Variants in STK32B observed in about 807,000 individuals in gnomAD.
STK32B encodes serine/threonine-protein kinase 32B.
STK32B carries 43 observed loss-of-function variants against 52.6 expected under a neutral mutation model. That is an observed-to-expected ratio of 0.82 (90% CI 0.64 to 1.05). The LOEUF (loss-of-function observed/expected upper bound fraction) is 1.05. Ranked by LOEUF, STK32B falls within the 50% of genes least tolerant of loss-of-function variation. The pLI, the probability that STK32B is intolerant of heterozygous loss-of-function variation, is 0.00. For synonymous variants in STK32B, 238 were observed against 204.3 expected (o/e 1.17, Z -1.41); for missense variants, 621 against 534.6 (o/e 1.16, Z -1.59).
intron 4 of STK32B, among the ~76,000 whole-genome samples, chr4:5,360,098 C>T (rs560348757): frequency 3.3e-5 from 5 of 152,262 alleles, no homozygotes; most frequent in African/African-American, 1.2e-4. Flanking sequence ...TGCTGGAGAT[C>T]AGAGGAATAT....
chr4:5,090,791 T>C (rs905336102), intron 1 of STK32B, among the ~76,000 whole-genome samples: 2 of 152,220 alleles, frequency 1.3e-5, no homozygotes, highest in Non-Finnish European at 2.9e-5. Flanking sequence ...CCATTGCTTG[T>C]TTTTGTCCAG....
intron 3 of STK32B, among the ~76,000 whole-genome samples, chr4:5,272,625 G>A (rs369853651): frequency 6.6e-6 from 1 of 152,088 alleles, no homozygotes; most frequent in African/African-American, 2.4e-5. Flanking sequence ...ACAGCATGGT[G>A]CTGGTACCAA....
chr4:5,030,080 C>T, the STK32B span, among the ~76,000 whole-genome samples: 1 of 152,208 alleles, frequency 6.6e-6, no homozygotes, highest in Admixed American at 6.5e-5. Context: ...GTCTTCCCAG[C>T]CATGCTGAAC....
intron 11 of STK32B, among the ~76,000 whole-genome samples, chr4:5,489,642 G>T (rs530182162): frequency 6.7e-6 from 1 of 150,356 alleles, no homozygotes; most frequent in South Asian, 2.1e-4. Flanking sequence ...TTTTTTTTGA[G>T]ATGGAGTCTT....
Position 5,395,176 on chromosome 4 carries a change from G to A in STK32B, c.435-3031G>A, listed in dbSNP as rs889668801. 6.6e-6 allele frequency among the ~76,000 whole-genome samples: 1 copy of A among 152,158 alleles called. No homozygotes were observed. Among genetic ancestry groups the A allele is most frequent in the Non-Finnish European group, 1.5e-5 (1 of 68,028 alleles). On this transcript the variant is annotated intron_variant, in intron 4 of 11. Coordinates refer to ENST00000282908, the MANE Select transcript of STK32B (RefSeq NM_018401.3). The surrounding 1 kb of genome is among the most constrained non-coding windows in gnomAD (Gnocchi z 4.4). Reference sequence around the variant, plus strand: ...TGGCTGGCTCCACACAGCAGCTCATGTCTTGAGCTCTCACTCCAGTCTGCC... The same window carrying A: ...TGGCTGGCTCCACACAGCAGCTCATATCTTGAGCTCTCACTCCAGTCTGCC...
At chr4:5,336,587 G>A (rs192904521) in intron 4 of STK32B, among the ~76,000 whole-genome samples, 127 of 152,198 alleles carry the variant, frequency 8.3e-4, no homozygotes, top group Non-Finnish European at 2.6e-4. Context: ...ATAAACATCA[G>A]TGCTCTTATG....
At chr4:5,314,349 A>G (rs889379949) in intron 3 of STK32B, among the ~76,000 whole-genome samples, 2 of 152,170 alleles carry the variant, frequency 1.3e-5, no homozygotes, top group Non-Finnish European at 2.9e-5. Context: ...AGAATGAACC[A>G]TCACCAAACC....
chr4:5,125,151 A>C (rs1396712390), intron 1 of STK32B, among the ~76,000 whole-genome samples: 1 of 152,122 alleles, frequency 6.6e-6, no homozygotes, highest in Non-Finnish European at 1.5e-5. Context: ...TATCTTAATG[A>C]TCTGGGAAGC....
intron 1 of STK32B, among the ~76,000 whole-genome samples, chr4:5,101,939 C>T (rs890304216): frequency 1.1e-4 from 16 of 152,322 alleles, no homozygotes; most frequent in African/African-American, 3.6e-4. Context: ...ATAAAGTCAT[C>T]TTCCATCCTG....
chr4:5,102,901 T>TCCTC (rs1219960734), intron 1 of STK32B, among the ~76,000 whole-genome samples: 1 of 67,634 alleles, frequency 1.5e-5, no homozygotes, highest in Non-Finnish European at 2.8e-5. Context: ...CTTCCTTCCT[T>TCCTC]CCTCCCTCCC....
intron 5 of STK32B, among the ~76,000 whole-genome samples, chr4:5,408,992 T>C (rs1025140489): frequency 2.6e-5 from 4 of 152,166 alleles, no homozygotes; most frequent in East Asian, 1.9e-4. Context: ...GCTTGAATTC[T>C]GGCTGCAGGA....
At chr4:5,071,082 G>A (rs1355474791) in intron 1 of STK32B, among the ~76,000 whole-genome samples, 2 of 152,166 alleles carry the variant, frequency 1.3e-5, no homozygotes, top group East Asian at 3.9e-4. Flanking sequence ...GTATGCACAG[G>A]TTGCAGGTCC....
rs1282867925 is a variant in STK32B at position 5,470,753 on chromosome 4, A to G, written c.1106+2683A>G. Among the ~76,000 whole-genome samples, 2 of 152,226 alleles carry G rather than the reference A, an allele frequency of 1.3e-5. No homozygotes were observed. Among genetic ancestry groups the G allele is most frequent in the African/African-American group, 4.8e-5 (2 of 41,458 alleles). ...TCATGACTCATGATTGCCTCAAAAC[A>G]AGCATTTTTACTTTAAACCAAGAAA... On this transcript the variant is annotated intron_variant, in intron 11 of 11. Coordinates refer to ENST00000282908, the MANE Select transcript of STK32B (RefSeq NM_018401.3). This position sits in a 1 kb window ranked among gnomAD's most constrained non-coding sequence, Gnocchi z 4.6.
chr4:5,241,587 T>G (rs1352583183), intron 3 of STK32B, among the ~76,000 whole-genome samples: 1 of 151,938 alleles, frequency 6.6e-6, no homozygotes, highest in Non-Finnish European at 1.5e-5. Flanking sequence ...TTTTTAATTA[T>G]TATTATACTT....
chr4:5,298,306 A>G (rs902648134), intron 3 of STK32B, among the ~76,000 whole-genome samples: 7 of 152,164 alleles, frequency 4.6e-5, no homozygotes, highest in African/African-American at 1.7e-4. Flanking sequence ...AGGAGAGCTC[A>G]AGCACTGTGC....
At chr4:5,092,417 A>G (rs1004845811) in intron 1 of STK32B, among the ~76,000 whole-genome samples, 1 of 152,106 alleles carries the variant, frequency 6.6e-6, no homozygotes, top group Admixed American at 6.5e-5. Flanking sequence ...CTGTAGTCCC[A>G]GCTACTCGGG....
At chr4:5,328,351 A>G (rs1352314638) in intron 3 of STK32B, among the ~76,000 whole-genome samples, 1 of 152,202 alleles carries the variant, frequency 6.6e-6, no homozygotes, top group African/African-American at 2.4e-5. Flanking sequence ...TGTCTTTCTC[A>G]TTAGGCTTAA....
chr4:5,369,208 T>C (rs1560358557), intron 4 of STK32B, among the ~76,000 whole-genome samples: 1 of 151,642 alleles, frequency 6.6e-6, no homozygotes, highest in Non-Finnish European at 1.5e-5. Flanking sequence ...GGCCCAGAGC[T>C]TCATCCTAGT....
intron 3 of STK32B, among the ~76,000 whole-genome samples, chr4:5,186,714 C>A (rs1032790345): frequency 1.3e-5 from 2 of 152,120 alleles, no homozygotes; most frequent in Admixed American, 1.3e-4. Context: ...CAGTCTCCAG[C>A]GCCTCCTCGA....
Sources: allele counts gnomAD v4.1 joint callset (sites outside exome capture counted in the v4.1 genomes callset), GRCh38; gene constraint gnomAD v4.1.1; non-coding constraint Gnocchi (gnomAD v3.1); transcripts MANE v1.5; gene names NCBI Gene and HGNC (gene_info 2026-07-23, HGNC 2026-07-21).